The following PDSS2 variants were observed in gnomAD, a reference collection of about 807,000 sequenced individuals.
PDSS2 encodes all trans-polyprenyl-diphosphate synthase PDSS2.
In PDSS2, 31 loss-of-function variants were observed where a neutral mutation model predicts 44.5. The ratio of observed to expected loss-of-function variants is 0.70; its 90% confidence interval spans 0.52 to 0.94. The LOEUF is 0.94. Ranked by LOEUF, PDSS2 falls within the 40% of genes least tolerant of loss-of-function variation. PDSS2 has a pLI of 0.00. For synonymous variants in PDSS2, 157 were observed against 180.3 expected (o/e 0.87, Z 1.03); for missense variants, 452 against 482.2 (o/e 0.94, Z 0.59).
intron 1 of PDSS2, among the ~76,000 whole-genome samples, chr6:107,431,090 C>A (rs1373786447): frequency 6.6e-6 from 1 of 152,090 alleles, no homozygotes; most frequent in African/African-American, 2.4e-5. Context: ...ATTATTATTC[C>A]CCTTTTCACC....
At chr6:107,251,965 A>G (rs113076414) in intron 3 of PDSS2, among the ~76,000 whole-genome samples, 33 of 152,330 alleles carry the variant, frequency 2.2e-4, no homozygotes, top group African/African-American at 7.9e-4. Context: ...TAACATTTGT[A>G]AAGCACTTTA....
At chr6:107,265,865 G>T (rs536365697) in intron 3 of PDSS2, among the ~76,000 whole-genome samples, 8 of 152,282 alleles carry the variant, frequency 5.3e-5, no homozygotes, top group African/African-American at 1.9e-4. Context: ...ACTTGAACCC[G>T]AGAGGCGGAG....
chr6:107,441,750 C>T (rs1313735675), intron 1 of PDSS2, among the ~76,000 whole-genome samples: 1 of 152,174 alleles, frequency 6.6e-6, no homozygotes, highest in Non-Finnish European at 1.5e-5. Flanking sequence ...GCCTGTAACA[C>T]ATTTCACTTT....
intron 1 of PDSS2, among the ~76,000 whole-genome samples, chr6:107,444,661 G>C (rs576366579): frequency 6.6e-6 from 1 of 152,142 alleles, no homozygotes; most frequent in Non-Finnish European, 1.5e-5. Flanking sequence ...ACTGAATCTA[G>C]AAAGGGTCTT....
chr6:107,210,993 CAAA>C (rs11345405), intron 5 of PDSS2, among the ~76,000 whole-genome samples: 1 of 105,730 alleles, frequency 9.5e-6, no homozygotes. Context: ...AACTCCGTCT[CAAA>C]AAAAAAAAAA....
At chr6:107,455,221 G>C (rs2046712130) in intron 1 of PDSS2, among the ~76,000 whole-genome samples, 1 of 148,218 alleles carries the variant, frequency 6.7e-6, no homozygotes, top group Non-Finnish European at 1.5e-5. Context: ...CTTTCATCTA[G>C]GATGCCTCTG....
intron 1 of PDSS2, among the ~76,000 whole-genome samples, chr6:107,340,760 T>C (rs2448078): frequency 1.3e-5 from 2 of 152,016 alleles, no homozygotes; most frequent in Middle Eastern, 3.4e-3. Flanking sequence ...GAGACGGGAC[T>C]GGAATGGAGT....
At chr6:107,413,769 C>A (rs1190774414) in intron 1 of PDSS2, among the ~76,000 whole-genome samples, 1 of 152,162 alleles carries the variant, frequency 6.6e-6, no homozygotes, top group African/African-American at 2.4e-5. Flanking sequence ...CATAGAAAAA[C>A]AAAGAACATG....
Position 107,405,105 on chromosome 6 carries a change from G to A in PDSS2, c.296+53885C>T, listed in dbSNP as rs530865982. ...AACTTCTGAGCAGAAACCTTACAAG[G>A]CAGAAGAGATTGGGATTCTAATTTT... On this transcript the variant is annotated intron_variant, in intron 1 of 7. Transcript: ENST00000369037. 3.3e-5 allele frequency among the ~76,000 whole-genome samples: 5 copies of A among 151,888 alleles called. No homozygotes were observed. In the East Asian group the frequency reaches 9.7e-4, roughly 29 times the overall value.
In PDSS2 at chr6:107,228,385, T is replaced by C. The variant is rs995132701; in HGVS notation, c.703-16103A>G. On this transcript the variant is annotated intron_variant, in intron 4 of 7. Transcript: ENST00000369037. ...TACTTCACAAAACATTTGCTACTTT[T>C]ATTTTTTTAATTAAAAAAGTTTGCT... 2.6e-5 allele frequency among the ~76,000 whole-genome samples: 4 copies of C among 152,182 alleles called. No homozygotes were observed. In the South Asian group the frequency reaches 6.2e-4, roughly 24 times the overall value.
chr6:107,271,071 G>A (rs1394782381), intron 3 of PDSS2, among the ~76,000 whole-genome samples: 1 of 152,180 alleles, frequency 6.6e-6, no homozygotes, highest in African/African-American at 2.4e-5. Flanking sequence ...ATGTTGCAGA[G>A]TCGTATGCAT....
intron 2 of PDSS2, among the ~76,000 whole-genome samples, chr6:107,286,345 T>C (rs987410777): frequency 4.0e-5 from 6 of 149,432 alleles, no homozygotes; most frequent in Middle Eastern, 3.7e-3. Context: ...CCACCTCTAC[T>C]AAAAAAATAC....
At chr6:107,369,999 A>G (rs1779082773) in intron 1 of PDSS2, among the ~76,000 whole-genome samples, 1 of 152,028 alleles carries the variant, frequency 6.6e-6, no homozygotes, top group African/African-American at 2.4e-5. Context: ...GTGTTTCGCA[A>G]AGAAAAAAAA....
chr6:107,450,406 A>C (rs567810266), intron 1 of PDSS2, among the ~76,000 whole-genome samples: 39 of 152,242 alleles, frequency 2.6e-4, no homozygotes, highest in Non-Finnish European at 5.1e-4. Context: ...ACAAAATTCC[A>C]ACATGAGAGA....
intron 1 of PDSS2, among the ~76,000 whole-genome samples, chr6:107,431,437 A>G (rs1402900190): frequency 6.6e-6 from 1 of 152,146 alleles, no homozygotes; most frequent in Non-Finnish European, 1.5e-5. Flanking sequence ...TTTAGTAGAG[A>G]CAAGGTCTTG....
chr6:107,450,031 G>A (rs933737380), intron 1 of PDSS2, among the ~76,000 whole-genome samples: 1 of 152,176 alleles, frequency 6.6e-6, no homozygotes, highest in Admixed American at 6.5e-5. Context: ...TTGAGACACT[G>A]CTTTCAATTC....
intron 1 of PDSS2, among the ~76,000 whole-genome samples, chr6:107,360,292 T>G (rs963700733): frequency 2.0e-5 from 3 of 152,240 alleles, no homozygotes; most frequent in Admixed American, 6.5e-5. Context: ...GTGTATTCTC[T>G]CTTCTCTAGC....
intron 3 of PDSS2, among the ~76,000 whole-genome samples, chr6:107,272,088 A>AC (rs72144436): frequency 2.2e-4 from 23 of 105,684 alleles, no homozygotes; most frequent in Admixed American, 1.6e-3. Flanking sequence ...AAGAAACAAA[A>AC]AAAAAAAAAA....
At chr6:107,246,825 TAA>T (rs1475140428) in intron 3 of PDSS2, among the ~76,000 whole-genome samples, 4,009 of 152,336 alleles carry the variant, frequency 0.026, 178 homozygotes, top group African/African-American at 0.091. Flanking sequence ...CCTAGCTCTT[TAA>T]GGATGGTTTA....
Sources: gnomAD v4.1 joint callset for allele counts (sites outside exome capture counted in the v4.1 genomes callset) on GRCh38, gnomAD v4.1.1 for gene constraint, MANE v1.5 for transcripts, NCBI Gene and HGNC (gene_info 2026-07-23, HGNC 2026-07-21) for gene names.